The following RBM20 variants were observed in gnomAD, a reference collection of about 807,000 sequenced individuals.
RBM20 encodes RNA-binding protein 20.
Under a neutral mutation model 110.1 loss-of-function variants are expected in RBM20, and 51 were observed. The ratio of observed to expected loss-of-function variants is 0.46; its 90% CI spans 0.37 to 0.59. The LOEUF (loss-of-function observed/expected upper bound fraction) is 0.59, where lower values mean the gene tolerates loss of function less well. Among genes scored for constraint, RBM20 ranks in the 20% least tolerant of loss-of-function variants. The pLI is 0.00. For missense variants in RBM20, 1,512 were observed against 1,574.9 expected (o/e 0.96, Z 0.68); for synonymous variants, 589 against 618.2 (o/e 0.95, Z 0.70).
intron 6 of RBM20, 130 bp downstream of exon 6, chr10:110,797,778 A>G: frequency 2.1e-6 from 2 of 947,378 alleles, no homozygotes; most frequent in East Asian, 2.6e-5. Flanking sequence ...TTCTGTTGGC[A>G]TGGCGTAGGT....
intron 1 of RBM20, among the ~76,000 whole-genome samples, chr10:110,743,031 C>T (rs368050785): frequency 1.6e-4 from 24 of 152,298 alleles, no homozygotes; most frequent in African/African-American, 5.3e-4. Context: ...CACTGTGGCA[C>T]GAGCCATCAC....
intron 1 of RBM20, among the ~76,000 whole-genome samples, chr10:110,712,102 TATC>T (rs1385511981): frequency 2.6e-5 from 4 of 152,350 alleles, no homozygotes; most frequent in South Asian, 2.1e-4. Flanking sequence ...CCAATTGAAT[TATC>T]ATATATTTTA....
chr10:110,817,759 G>A (rs2135114743), intron 9 of RBM20, among the ~76,000 whole-genome samples: 1 of 152,326 alleles, frequency 6.6e-6, no homozygotes, highest in East Asian at 1.9e-4. Context: ...GGTGAGTATT[G>A]ACTGGGTGAA....
At chr10:110,679,959 C>T (rs1862398747) in intron 1 of RBM20, among the ~76,000 whole-genome samples, 1 of 152,206 alleles carries the variant, frequency 6.6e-6, no homozygotes, top group Admixed American at 6.5e-5. Context: ...CAGTTTCATC[C>T]CTGGACTGAC....
chr10:110,697,336 C>T (rs1312553426), intron 1 of RBM20, among the ~76,000 whole-genome samples: 3 of 152,332 alleles, frequency 2.0e-5, no homozygotes, highest in Admixed American at 1.3e-4. Flanking sequence ...TTGTTACTTG[C>T]CTGGCCCACT....
At chr10:110,707,449 GT>G (rs532157632) in intron 1 of RBM20, among the ~76,000 whole-genome samples, 93 of 152,226 alleles carry the variant, frequency 6.1e-4, no homozygotes, top group African/African-American at 2.2e-3. Flanking sequence ...GTTTTTTCTG[GT>G]TTTATTGCCT....
chr10:110,769,491 A>C (rs553342524), intron 1 of RBM20, among the ~76,000 whole-genome samples: 83 of 152,296 alleles, frequency 5.4e-4, no homozygotes, highest in Non-Finnish European at 8.8e-4. Context: ...ATGTTACCTA[A>C]GGTTCCCTGA....
intron 1 of RBM20, among the ~76,000 whole-genome samples, chr10:110,758,339 C>A (rs1039422534): frequency 6.6e-6 from 1 of 151,984 alleles, no homozygotes; most frequent in Admixed American, 6.6e-5. Context: ...TCCTATGGAG[C>A]TTATATTCCA....
intron 1 of RBM20, among the ~76,000 whole-genome samples, chr10:110,652,727 G>A (rs1861969089): frequency 6.6e-6 from 1 of 152,172 alleles, no homozygotes; most frequent in South Asian, 2.1e-4. Context: ...GCTGTGATGA[G>A]AATCCCTGTA....
At chr10:110,767,261 G>C (rs1353632073) in intron 1 of RBM20, among the ~76,000 whole-genome samples, 2 of 131,284 alleles carry the variant, frequency 1.5e-5, no homozygotes, top group African/African-American at 2.9e-5. Context: ...CCGGGCAGAG[G>C]GGCTCCTCAC....
At chr10:110,676,512 G>A (rs866989967) in intron 1 of RBM20, among the ~76,000 whole-genome samples, 7 of 152,328 alleles carry the variant, frequency 4.6e-5, no homozygotes, top group Middle Eastern at 3.4e-3. Flanking sequence ...CAGAATTTAT[G>A]GGGCAACATC....
intron 1 of RBM20, among the ~76,000 whole-genome samples, chr10:110,671,465 CT>C (rs1185936918): frequency 6.6e-6 from 1 of 152,190 alleles, no homozygotes; most frequent in South Asian, 2.1e-4. Context: ...CTCTGCCCAG[CT>C]TTGAATTCCA....
intron 11 of RBM20, chr10:110,822,528 A>G (rs1005750835): frequency 4.4e-6 from 2 of 455,510 alleles, no homozygotes; most frequent in Non-Finnish European, 8.8e-6. Context: ...TGAAAGAGAG[A>G]GTTTAAAATA....
chr10:110,726,976 A>G (rs1046455493), intron 1 of RBM20, among the ~76,000 whole-genome samples: 1 of 151,934 alleles, frequency 6.6e-6, no homozygotes, highest in Non-Finnish European at 1.5e-5. Flanking sequence ...CCTCCGGAGT[A>G]GCTGGTATCA....
chr10:110,810,297 C>CA, intron 7 of RBM20, 86 bp from the exon 8 acceptor site: 1 of 946,412 alleles, frequency 1.1e-6, no homozygotes, highest in Admixed American at 2.0e-5. Context: ...GTGGACCAGG[C>CA]AATGAATGAC....
intron 5 of RBM20, among the ~76,000 whole-genome samples, chr10:110,792,141 G>A (rs1015176717): frequency 1.7e-4 from 25 of 147,740 alleles, no homozygotes; most frequent in African/African-American, 6.4e-4. Flanking sequence ...TCCTCTATCT[G>A]TCTATCTATC....
In RBM20 at chr10:110,785,048, G is replaced by A. The variant is rs115931926; in HGVS notation, c.1527+159G>A. Among the ~76,000 whole-genome samples, 1,183 of 152,200 alleles carry A rather than the reference G, an allele frequency of 7.8e-3. 21 individuals carry two copies. Among genetic ancestry groups the A allele is most frequent in the African/African-American group, 0.026 (1,079 of 41,526 alleles). On this transcript the variant is annotated intron_variant, in intron 5 of 13. Coordinates refer to ENST00000369519, the MANE Select transcript of RBM20 (RefSeq NM_001134363.3). ...TGGTCCCAAGTGATCTTCCTGCCTC[G>A]GTCAACCAAAGTGCTGGAATTACAG...
intron 1 of RBM20, among the ~76,000 whole-genome samples, chr10:110,778,507 T>C (rs892107290): frequency 2.0e-5 from 3 of 152,192 alleles, no homozygotes; most frequent in Admixed American, 6.5e-5. Flanking sequence ...TCCATTATCA[T>C]TGGATTTTTA....
chr10:110,810,499 G>T (rs757279240), intron 8 of RBM20, 37 bp downstream of exon 8: 46 of 1,464,344 alleles, frequency 3.1e-5, no homozygotes, highest in Non-Finnish European at 4.2e-5. Flanking sequence ...GGCAGGTTCT[G>T]GGCAGTGGGA....
Sources: gnomAD v4.1 joint callset for allele counts (sites outside exome capture counted in the v4.1 genomes callset) on GRCh38, gnomAD v4.1.1 for gene constraint, MANE v1.5 for transcripts, NCBI Gene and HGNC (gene_info 2026-07-23, HGNC 2026-07-21) for gene names.